The following ITPRID1 variants were observed in gnomAD, a reference collection of about 807,000 sequenced individuals.
ITPRID1 encodes protein ITPRID1.
In ITPRID1, 96 loss-of-function variants were observed where a neutral mutation model predicts 95.4. The ratio of observed to expected loss-of-function variants is 1.01; its 90% CI spans 0.85 to 1.19. The LOEUF (loss-of-function observed/expected upper bound fraction) is 1.19. ITPRID1 is among the 50% of genes most tolerant of loss of function. The probability of loss-of-function intolerance (pLI) is 0.00; values close to 1 mark genes in which losing one functional copy is unlikely to be tolerated. For synonymous variants in ITPRID1, 510 were observed against 453.6 expected, an observed-to-expected ratio of 1.12 and a Z score of -1.58; for missense variants, 1,339 against 1,252.9, an observed-to-expected ratio of 1.07 and a Z score of -1.04.
At chr7:31,521,618 CCCTCCTT>C (rs1320604401) in intron 1 of ITPRID1, among the ~76,000 whole-genome samples, 1 of 32,104 alleles carries the variant, frequency 3.1e-5, no homozygotes, top group Non-Finnish European at 5.9e-5. Flanking sequence ...TTTCTCCTTT[CCCTCCTT>C]CCTTCCTTCC....
chr7:31,636,436 AAATAAT>A (rs945845507), intron 10 of ITPRID1, among the ~76,000 whole-genome samples: 14 of 152,348 alleles, frequency 9.2e-5, no homozygotes, highest in Admixed American at 8.5e-4. Context: ...TGAAAAGTTG[AAATAAT>A]AATAATGATG....
At chr7:31,645,595 C>T (rs1301802647) in intron 12 of ITPRID1, among the ~76,000 whole-genome samples, 1 of 152,066 alleles carries the variant, frequency 6.6e-6, no homozygotes, top group African/African-American at 2.4e-5. Flanking sequence ...CCATAACCAT[C>T]ATCACCACCA....
rs1156601672 is a variant in ITPRID1, at chr7:31,654,110, A to G, written c.*1281A>G. Among the ~76,000 whole-genome samples, 5 of 151,864 alleles carry G rather than the reference A, an allele frequency of 3.3e-5. No individual in the cohort carries two copies. In the East Asian group the frequency reaches 9.7e-4, roughly 29 times the overall value. ...TAATTACAATCCTGAAAAGAGCCTC[A>G]GAAGACAGTGTGATAATGTTGCAAA... is the stretch of plus-strand genomic sequence containing the variant. On this transcript the variant is annotated 3_prime_UTR_variant, in exon 15 of 15. Transcript: ENST00000615280.
At chr7:31,642,070 A>C (rs1339385212) in intron 10 of ITPRID1, 106 bp from the exon 11 acceptor site, 1 of 614,384 alleles carries the variant, frequency 1.6e-6, no homozygotes, top group Non-Finnish European at 2.7e-6. Flanking sequence ...CACAGTGGGC[A>C]TTTCTGCAGG....
intron 10 of ITPRID1, among the ~76,000 whole-genome samples, chr7:31,588,603 G>C (rs1042116337): frequency 9.0e-6 from 1 of 111,000 alleles, no homozygotes; most frequent in Non-Finnish European, 1.7e-5. Flanking sequence ...CTGCACTCCA[G>C]CCTGGGCAAC....
chr7:31,656,530 A>AGC, downstream of ITPRID1: 1 of 810,144 alleles, frequency 1.2e-6, no homozygotes, highest in Non-Finnish European at 1.4e-6. Context: ...TGTTGAAAAG[A>AGC]ACTGTTAGCA....
At chr7:31,522,852 A>G (rs1368792241) in intron 1 of ITPRID1, among the ~76,000 whole-genome samples, 1 of 152,204 alleles carries the variant, frequency 6.6e-6, no homozygotes, top group Non-Finnish European at 1.5e-5. Flanking sequence ...GTATAAATAG[A>G]GTTAGTTTGA....
intron 10 of ITPRID1, among the ~76,000 whole-genome samples, chr7:31,597,594 G>T (rs760685625): frequency 6.6e-5 from 10 of 151,744 alleles, no homozygotes; most frequent in Non-Finnish European, 1.5e-4. Context: ...TAGAATATTT[G>T]TTGGGAAGAT....
Position 31,578,305 on chromosome 7 carries a change from T to C in ITPRID1, c.1041T>C (p.Ala347=). The C allele has an allele frequency of 6.2e-7, 1 of 1,613,904 alleles. No individual in the cohort carries two copies. The highest frequency in any genetic ancestry group is 1.7e-5 in the Admixed American group (1 of 60,006). Residue 347 remains alanine (A), a synonymous_variant, in exon 9 of 15, where the codon GCT becomes GCC. Transcript: ENST00000615280. ...GCTCATCTATGCCGGCCAAGCAGGCTCCTCCTTCCTGTGTGTCTGAGGGGT... is the reference window on the plus strand; with the variant it reads ...GCTCATCTATGCCGGCCAAGCAGGCCCCTCCTTCCTGTGTGTCTGAGGGGT... The part of the protein sequence containing the change: ...WPCSSMPAKQ[A]PPSCVSEGSV...
chr7:31,596,880 A>T (rs1194121741), intron 10 of ITPRID1, among the ~76,000 whole-genome samples: 1 of 151,866 alleles, frequency 6.6e-6, no homozygotes, highest in Admixed American at 6.6e-5. Context: ...AAATTTTAAC[A>T]GTTAATGATA....
intron 10 of ITPRID1, among the ~76,000 whole-genome samples, chr7:31,607,786 T>A (rs1406978111): frequency 6.6e-6 from 1 of 152,066 alleles, no homozygotes; most frequent in Non-Finnish European, 1.5e-5. Flanking sequence ...ATTAGTCCTC[T>A]TTCTCAAATT....
At chr7:31,625,818 T>G (rs1293594569) in intron 10 of ITPRID1, among the ~76,000 whole-genome samples, 3 of 126,296 alleles carry the variant, frequency 2.4e-5, no homozygotes, top group African/African-American at 8.0e-5. Context: ...CCTTAGAATG[T>G]CTTTTTTTTT....
At chr7:31,559,188 T>C (rs1234350745) in intron 5 of ITPRID1, among the ~76,000 whole-genome samples, 1 of 152,172 alleles carries the variant, frequency 6.6e-6, no homozygotes, top group Non-Finnish European at 1.5e-5. Flanking sequence ...TTTTCATAAA[T>C]GAGCTCCCTT....
At chr7:31,538,080 C>A (rs951851283) in intron 1 of ITPRID1, among the ~76,000 whole-genome samples, 1 of 152,198 alleles carries the variant, frequency 6.6e-6, no homozygotes, top group African/African-American at 2.4e-5. Context: ...ACAGCGAAGA[C>A]TGGACTGATC....
At chr7:31,607,087 C>A (rs1231624506) in intron 10 of ITPRID1, among the ~76,000 whole-genome samples, 4 of 151,928 alleles carry the variant, frequency 2.6e-5, no homozygotes, top group African/African-American at 9.7e-5. Flanking sequence ...TTGGATAGTC[C>A]TTTTTTTCTA....
intron 1 of ITPRID1, 173 bp downstream of exon 1, chr7:31,514,293 C>T (rs191704650): frequency 4.6e-5 from 7 of 152,274 alleles, no homozygotes; most frequent in East Asian, 1.9e-4. Flanking sequence ...GGACACAAAA[C>T]GTTTACCTTC....
chr7:31,583,768 C>A (rs779329392), intron 10 of ITPRID1, among the ~76,000 whole-genome samples: 2 of 152,128 alleles, frequency 1.3e-5, no homozygotes, highest in Non-Finnish European at 2.9e-5. Flanking sequence ...ATCTGACTAC[C>A]ATAGTGGAAT....
At chr7:31,645,094 T>G (rs1790351346) in intron 12 of ITPRID1, among the ~76,000 whole-genome samples, 1 of 152,208 alleles carries the variant, frequency 6.6e-6, no homozygotes, top group East Asian at 1.9e-4. Flanking sequence ...AATAATTATC[T>G]CAATGCCTCC....
At chr7:31,574,380 C>T (rs2128144748) in intron 7 of ITPRID1, among the ~76,000 whole-genome samples, 160 bp from the exon 8 acceptor site, 1 of 152,100 alleles carries the variant, frequency 6.6e-6, no homozygotes, top group East Asian at 1.9e-4. Flanking sequence ...GCCAGATAGT[C>T]CTTTAAGTAA....
Sources: gnomAD v4.1 joint callset for allele counts (sites outside exome capture counted in the v4.1 genomes callset) on GRCh38, gnomAD v4.1.1 for gene constraint, MANE v1.5 for transcripts, NCBI Gene and HGNC (gene_info 2026-07-23, HGNC 2026-07-21) for gene names.